SCN3A: variants seen among roughly 807,000 people sequenced by gnomAD.
SCN3A encodes sodium channel protein type 3 subunit alpha.
In SCN3A, 60 loss-of-function variants were observed where a neutral mutation model predicts 187.6. The observed-to-expected ratio is 0.32, with a 90% CI of 0.26 to 0.40. The LOEUF is 0.40. Among genes scored for constraint, SCN3A ranks in the 10% least tolerant of loss-of-function variants. The probability of loss-of-function intolerance (pLI) is 1.00; values close to 1 mark genes in which losing one functional copy is unlikely to be tolerated. For missense variants in SCN3A, 1,601 were observed against 2,428.2 expected (o/e 0.66, Z 7.16); for synonymous variants, 788 against 829.2 (o/e 0.95, Z 0.85).
chr2:165,167,718 T>G (rs1271379777), intron 5 of SCN3A, among the ~76,000 whole-genome samples: 1 of 152,032 alleles, frequency 6.6e-6, no homozygotes, highest in African/African-American at 2.4e-5. Flanking sequence ...TGTTAGTTCA[T>G]GCACAGTTTT....
At position 165,088,570 on chromosome 2, in the gene SCN3A, A is replaced by G. The variant is rs1213829746; in HGVS notation, c.*1580T>C. On this transcript the variant is annotated 3_prime_UTR_variant, in exon 28 of 28. Transcript: ENST00000283254. ...TTGGAATGGTAGAAAATATATTATA[A>G]CAAAGAAATCCATAAAACCCATTAT... 1 of 152,540 alleles carries G rather than the reference A, an allele frequency of 6.6e-6. No individual in the cohort carries two copies. Among genetic ancestry groups the G allele is most frequent in the African/African-American group, 2.4e-5 (1 of 41,458 alleles). The allele number at this position is 152,540 out of a possible 1,614,324, so 9.4% of individuals were successfully genotyped here.
chr2:165,092,750 C>T lies in SCN3A; in HGVS notation c.4537-226G>A. The stretch of plus-strand genomic sequence containing the variant: ...GGTTTATATAGGTCCTATGGAAAGA[C>T]AAAGCTGGATGAGACATAAATTAAG... On this transcript the variant is annotated intron_variant, in intron 26 of 27. Coordinates refer to ENST00000283254, the MANE Select transcript of SCN3A (RefSeq NM_006922.4). This position sits in a 1 kb window ranked among gnomAD's most constrained non-coding sequence, Gnocchi z 4.2. 2.0e-6 allele frequency: 1 copy of T among 510,470 alleles called. No individual in the cohort carries two copies. Among genetic ancestry groups the T allele is most frequent in the South Asian group, 2.3e-5 (1 of 42,592 alleles). 31.6% of individuals were successfully genotyped at this position (510,470 alleles called of 1,614,324 possible).
intron 9 of SCN3A, among the ~76,000 whole-genome samples, chr2:165,157,870 A>G (rs1001246019): frequency 6.6e-6 from 1 of 152,188 alleles, no homozygotes; most frequent in African/African-American, 2.4e-5. Context: ...AAGCTCTTTC[A>G]GTTGACACCT....
At chr2:165,128,135 AT>A in intron 17 of SCN3A, 34 bp from the exon 18 acceptor site, 1 of 1,494,344 alleles carries the variant, frequency 6.7e-7, no homozygotes, top group East Asian at 2.4e-5. Context: ...CTATTTTAAT[AT>A]TGAAATATGC....
At chr2:165,173,333 A>G (rs1175444022) in intron 3 of SCN3A, among the ~76,000 whole-genome samples, 1 of 152,174 alleles carries the variant, frequency 6.6e-6, no homozygotes, top group African/African-American at 2.4e-5. Context: ...GCCTGGACTC[A>G]GATCCTGGAT....
intron 3 of SCN3A, among the ~76,000 whole-genome samples, chr2:165,172,952 T>C (rs767104027): frequency 1.6e-4 from 25 of 152,156 alleles, no homozygotes; most frequent in Non-Finnish European, 3.1e-4. Context: ...TTTGAAATTA[T>C]GGGGCTCTGA....
At chr2:165,112,785 TTATG>T in intron 21 of SCN3A, 96 bp downstream of exon 21, 1 of 1,042,090 alleles carries the variant, frequency 9.6e-7, no homozygotes, top group Non-Finnish European at 1.5e-6. Context: ...AACTGCATAA[TTATG>T]TCATTATTAG....
In SCN3A at chr2:165,088,111, C is replaced by CA. The variant is rs1341110742; in HGVS notation, c.*2038dup. On this transcript the variant is annotated 3_prime_UTR_variant, in exon 28 of 28. Coordinates refer to ENST00000283254, the MANE Select transcript of SCN3A (RefSeq NM_006922.4). ...AACTGCCAACAGCAAAAAACAAAAA[C>CA]AAAAAACCCCAGAGGCCAATAAGTG... 1.3e-5 allele frequency: 2 copies of CA among 152,274 alleles called. No homozygotes were observed. Among genetic ancestry groups the CA allele is most frequent in the African/African-American group, 4.8e-5 (2 of 41,374 alleles). The allele number at this position is 152,274 out of a possible 1,614,324, so 9.4% of individuals were successfully genotyped here.
chr2:165,117,013 T>G (rs1686402755), intron 18 of SCN3A, among the ~76,000 whole-genome samples: 1 of 146,102 alleles, frequency 6.8e-6, no homozygotes, highest in African/African-American at 2.5e-5. Flanking sequence ...AGCCAAGACA[T>G]CTTCTCCTCT....
chr2:165,099,832 A>G (rs1201260635), intron 22 of SCN3A, among the ~76,000 whole-genome samples: 1 of 152,224 alleles, frequency 6.6e-6, no homozygotes, highest in Non-Finnish European at 1.5e-5. Context: ...CTAAAATTCA[A>G]TGTTGTTTCC....
rs1197238624 is a variant in SCN3A at position 165,146,380 on chromosome 2, ATATGTGTGTG to A, written c.1671+349_1671+358del. On this transcript the variant is annotated intron_variant, in intron 12 of 27. Transcript: ENST00000283254. ...CTGCTAGTGTAGGTTATATATATAT[ATATGTGTGTG>A]TGTGTGTGTGTGTGTGTGTGTGTGT... 9.8e-3 allele frequency among the ~76,000 whole-genome samples: 888 copies of A among 90,596 alleles called. 10 individuals are homozygous for A. Among genetic ancestry groups the A allele is most frequent in the African/African-American group, 0.031 (852 of 27,438 alleles). 59.4% of individuals were successfully genotyped at this position (90,596 alleles called of 152,430 possible).
At chr2:165,131,732 C>T (rs577364794) in intron 15 of SCN3A, among the ~76,000 whole-genome samples, 28 of 146,894 alleles carry the variant, frequency 1.9e-4, no homozygotes, top group African/African-American at 7.0e-4. Context: ...GGTATATCTC[C>T]TAATGCTATC....
chr2:165,137,700 C>T (rs751022605), intron 15 of SCN3A, among the ~76,000 whole-genome samples, 179 bp downstream of exon 15: 2 of 152,166 alleles, frequency 1.3e-5, no homozygotes, highest in Non-Finnish European at 2.9e-5. Flanking sequence ...AATCAGCATT[C>T]ATACCAGTTG....
Position 165,092,566 on chromosome 2 carries a change from T to A in SCN3A, c.4537-42A>T, listed in dbSNP as rs200380080. 719 of 1,568,666 alleles carry A rather than the reference T, an allele frequency of 4.6e-4. 2 individuals are homozygous for A. Among genetic ancestry groups the A allele is most frequent in the Non-Finnish European group, 6.0e-4 (683 of 1,139,974 alleles). ...GAGAAATAAGGTTACTATATATATT[T>A]CATAAAGAATAATGCAGTAAAATTG... is the stretch of plus-strand genomic sequence containing the variant. On this transcript the variant is annotated intron_variant, in intron 26 of 27. Coordinates refer to ENST00000283254, the MANE Select transcript of SCN3A (RefSeq NM_006922.4). This position sits in a 1 kb window ranked among gnomAD's most constrained non-coding sequence, Gnocchi z 4.2.
At chr2:165,170,403 T>C (rs1338582340) in intron 4 of SCN3A, 27 bp downstream of exon 4, 2 of 1,235,788 alleles carry the variant, frequency 1.6e-6, no homozygotes, top group South Asian at 2.4e-5. Flanking sequence ...AGAAATAGCA[T>C]TTAGGCAATT....
Position 165,088,092 on chromosome 2 carries a change from CA to C in SCN3A, c.*2057del, listed in dbSNP as rs1684918417. 1 of 152,174 alleles carries C rather than the reference CA, an allele frequency of 6.6e-6. No individual in the cohort carries two copies. Among genetic ancestry groups the C allele is most frequent in the Non-Finnish European group, 1.5e-5 (1 of 67,930 alleles). 9.4% of individuals were successfully genotyped at this position (152,174 alleles called of 1,614,324 possible). A position where few individuals can be genotyped will look rare whatever the true frequency, so the allele number is the denominator to read the frequency against. On this transcript the variant is annotated 3_prime_UTR_variant, in exon 28 of 28. Transcript: ENST00000283254. Reference sequence around the variant, plus strand: ...ATTAATTATATATATTTTAAACTGCCAACAGCAAAAAACAAAAACAAAAAAC... The same window carrying C: ...ATTAATTATATATATTTTAAACTGCCACAGCAAAAAACAAAAACAAAAAAC...
At chr2:165,133,164 A>G (rs1166170401) in intron 15 of SCN3A, among the ~76,000 whole-genome samples, 1 of 152,136 alleles carries the variant, frequency 6.6e-6, no homozygotes, top group East Asian at 1.9e-4. Context: ...AGAAATAGGA[A>G]CACTTTTACA....
intron 24 of SCN3A, 147 bp from the exon 25 acceptor site, chr2:165,095,795 T>C: frequency 2.0e-6 from 1 of 505,198 alleles, no homozygotes; most frequent in Non-Finnish European, 3.5e-6. Flanking sequence ...TTTTTAAAAC[T>C]AGTATGATCT....
At chr2:165,154,328 TC>T (rs1688880413) in intron 11 of SCN3A, 123 bp downstream of exon 11, 1 of 1,060,152 alleles carries the variant, frequency 9.4e-7, no homozygotes, top group Non-Finnish European at 1.4e-6. Context: ...TACTTTTTTT[TC>T]TAATGACAAT....
Sources: allele counts gnomAD v4.1 joint callset (sites outside exome capture counted in the v4.1 genomes callset), GRCh38; gene constraint gnomAD v4.1.1; non-coding constraint Gnocchi (gnomAD v3.1); transcripts MANE v1.5; gene names NCBI Gene and HGNC (gene_info 2026-07-23, HGNC 2026-07-21).